The following PLS1 variants were observed in gnomAD, a reference collection of about 807,000 sequenced individuals.
PLS1 encodes the protein plastin-1.
In PLS1, 32 loss-of-function variants were observed where a neutral mutation model predicts 73.7. The observed-to-expected ratio is 0.43, with a 90% CI of 0.33 to 0.58. The LOEUF is 0.58. Ranked by LOEUF, PLS1 falls within the 20% of genes least tolerant of loss-of-function variation. PLS1 has a pLI of 0.04. For missense variants in PLS1, 633 were observed against 740.5 expected (o/e 0.85, Z 1.68); for synonymous variants, 217 against 261.3 (o/e 0.83, Z 1.63).
chr3:142,700,384 A>G (rs1040230981), intron 12 of PLS1, among the ~76,000 whole-genome samples: 5 of 151,974 alleles, frequency 3.3e-5, no homozygotes, highest in Admixed American at 6.6e-5. Context: ...GTGCAGTGGC[A>G]TGATCTCGGC....
At chr3:142,608,764 C>T (rs1036492083) in intron 1 of PLS1, among the ~76,000 whole-genome samples, 1 of 152,148 alleles carries the variant, frequency 6.6e-6, no homozygotes, top group Non-Finnish European at 1.5e-5. Flanking sequence ...TTGGTTGGTC[C>T]GGTTAACAGC....
intron 1 of PLS1, among the ~76,000 whole-genome samples, chr3:142,624,208 C>T (rs2036372762): frequency 6.6e-6 from 1 of 152,142 alleles, no homozygotes; most frequent in African/African-American, 2.4e-5. Flanking sequence ...TGTTCTTCAG[C>T]ATTTCCAAGT....
chr3:142,639,592 A>G (rs1016665662), intron 1 of PLS1, among the ~76,000 whole-genome samples: 8 of 152,198 alleles, frequency 5.3e-5, no homozygotes, highest in Non-Finnish European at 1.2e-4. Flanking sequence ...CTCTGTGTCT[A>G]GACTGTACCA....
At chr3:142,627,445 T>C (rs560776891) in intron 1 of PLS1, among the ~76,000 whole-genome samples, 8 of 152,312 alleles carry the variant, frequency 5.3e-5, no homozygotes, top group African/African-American at 1.9e-4. Context: ...CTTGAAAAGC[T>C]TTCTTACTCT....
chr3:142,611,388 G>A (rs368729992), intron 1 of PLS1, among the ~76,000 whole-genome samples: 38 of 152,272 alleles, frequency 2.5e-4, no homozygotes, highest in Middle Eastern at 3.4e-3. Flanking sequence ...TTGAGAGGCC[G>A]AGGTGGGAGG....
rs1460157387 is a variant in PLS1, at chr3:142,695,757, CTTACTTATTTATTTATTTATTTAT to C, written c.1256+1214_1256+1237del. Among the ~76,000 whole-genome samples, 213 of 135,026 alleles carry C rather than the reference CTTACTTATTTATTTATTTATTTAT, an allele frequency of 1.6e-3. 1 individual carries two copies. Among genetic ancestry groups the C allele is most frequent in the Non-Finnish European group, 2.8e-3 (179 of 64,362 alleles). The allele number at this position is 135,026 out of a possible 152,430, so 88.6% of individuals were successfully genotyped here. The stretch of plus-strand genomic sequence containing the variant: ...GTAGGAGTAGAGAATAGTAAGGAGA[CTTACTTATTTATTTATTTATTTAT>C]TTATTTATTTATTTATTTATTTATT... On this transcript the variant is annotated intron_variant, in intron 11 of 15. Coordinates refer to ENST00000457734, the MANE Select transcript of PLS1 (RefSeq NM_001145319.2).
chr3:142,702,679 C>T (rs2038354790), intron 12 of PLS1, among the ~76,000 whole-genome samples: 1 of 152,072 alleles, frequency 6.6e-6, no homozygotes, highest in African/African-American at 2.4e-5. Context: ...GTAAGAAACA[C>T]AGCAGTAGAT....
intron 10 of PLS1, among the ~76,000 whole-genome samples, chr3:142,690,432 T>G (rs1046831923): frequency 1.3e-5 from 2 of 152,220 alleles, no homozygotes; most frequent in Non-Finnish European, 2.9e-5. Context: ...CTTTTTGCAT[T>G]GTTCATGCTG....
chr3:142,706,209 G>C (rs2107965197), intron 14 of PLS1, among the ~76,000 whole-genome samples: 1 of 152,256 alleles, frequency 6.6e-6, no homozygotes, highest in Non-Finnish European at 1.5e-5. Flanking sequence ...TTGGCCCTCA[G>C]AGTGTTCACC....
intron 1 of PLS1, among the ~76,000 whole-genome samples, chr3:142,658,323 A>C (rs1046119191): frequency 2.7e-4 from 41 of 152,022 alleles, no homozygotes; most frequent in African/African-American, 9.7e-4. Flanking sequence ...AAATACAAAA[A>C]AAATTAGCCA....
chr3:142,637,916 CT>C (rs1166496830), intron 1 of PLS1, among the ~76,000 whole-genome samples: 4 of 151,784 alleles, frequency 2.6e-5, no homozygotes, highest in Non-Finnish European at 4.4e-5. Flanking sequence ...GCCAAGAACT[CT>C]TTCTCCATTC....
intron 1 of PLS1, among the ~76,000 whole-genome samples, chr3:142,617,652 G>T (rs2036238835): frequency 6.6e-6 from 1 of 152,076 alleles, no homozygotes. Flanking sequence ...TTCAAAATAA[G>T]ATCCACATGT....
intron 11 of PLS1, among the ~76,000 whole-genome samples, chr3:142,695,350 T>C (rs1404735636): frequency 2.6e-5 from 4 of 152,226 alleles, no homozygotes; most frequent in African/African-American, 7.2e-5. Flanking sequence ...TAATTTCTGC[T>C]CCTTGGTGTT....
At chr3:142,600,894 ATATATATATATATATATATATAT>A (rs1271049361) in intron 1 of PLS1, among the ~76,000 whole-genome samples, 3 of 25,844 alleles carry the variant, frequency 1.2e-4, no homozygotes, top group South Asian at 1.4e-3. Flanking sequence ...ATATATATAT[ATATATATATATATATATATATAT>A]TTTTTTTTTT....
intron 1 of PLS1, among the ~76,000 whole-genome samples, chr3:142,639,580 TTC>T (rs1366452764): frequency 1.3e-5 from 2 of 152,246 alleles, no homozygotes; most frequent in African/African-American, 2.4e-5. Flanking sequence ...ACCTCCTTAA[TTC>T]TCTGTGTCTA....
intron 8 of PLS1, among the ~76,000 whole-genome samples, chr3:142,684,785 C>T (rs1042383164): frequency 2.6e-5 from 4 of 152,176 alleles, no homozygotes; most frequent in African/African-American, 9.6e-5. Context: ...AACCAGCTAA[C>T]AGGAAATCAG....
At chr3:142,678,170 T>C in intron 6 of PLS1, 57 bp downstream of exon 6, 1 of 759,332 alleles carries the variant, frequency 1.3e-6, no homozygotes, top group Non-Finnish European at 2.0e-6. Context: ...TATAAGACCT[T>C]TATTAATGAA....
chr3:142,689,579 T>C, intron 9 of PLS1, 39 bp from the exon 10 acceptor site: 1 of 1,320,186 alleles, frequency 7.6e-7, no homozygotes, highest in Non-Finnish European at 1.0e-6. Context: ...TTATGCCAAT[T>C]AAAACTTCAA....
At chr3:142,686,649 C>A (rs1372803190) in intron 9 of PLS1, among the ~76,000 whole-genome samples, 2 of 152,142 alleles carry the variant, frequency 1.3e-5, no homozygotes, top group Admixed American at 6.6e-5. Context: ...GTAGCAGGTA[C>A]AGTCAAATTT....
Sources: gnomAD v4.1 joint callset for allele counts (sites outside exome capture counted in the v4.1 genomes callset) on GRCh38, gnomAD v4.1.1 for gene constraint, MANE v1.5 for transcripts, NCBI Gene and HGNC (gene_info 2026-07-23, HGNC 2026-07-21) for gene names.